PPP1R9A: variants seen among roughly 807,000 people sequenced by gnomAD.
PPP1R9A encodes the protein protein phosphatase 1 regulatory subunit 9A.
Under a neutral mutation model 141.9 loss-of-function variants are expected in PPP1R9A, and 59 were observed. The ratio of observed to expected loss-of-function variants is 0.42; its 90% CI spans 0.34 to 0.52. The LOEUF is 0.52. PPP1R9A is among the 20% of genes least tolerant of loss of function. The pLI, the probability that PPP1R9A is intolerant of heterozygous loss-of-function variation, is 0.10. For synonymous variants in PPP1R9A, 500 were observed against 569.7 expected, an observed-to-expected ratio of 0.88 and a Z score of 1.74; for missense variants, 1,444 against 1,611.9, an observed-to-expected ratio of 0.90 and a Z score of 1.78.
rs1789283940 is a variant in PPP1R9A at position 95,200,405 on chromosome 7, G to A, written c.1890+1921G>A. On this transcript the variant is annotated intron_variant, in intron 6 of 19. Coordinates refer to ENST00000433360, the MANE Select transcript of PPP1R9A (RefSeq NM_001166160.2). ...CCTTGCCTCAGCCTCCTGAGTAGCT[G>A]GGGCAACAAGCACACAGAACCACAT... 4.0e-5 allele frequency among the ~76,000 whole-genome samples: 6 copies of A among 151,238 alleles called. No individual in the cohort carries two copies. In the South Asian group the frequency reaches 1.3e-3, roughly 32 times the overall value.
At chr7:95,048,736 G>A (rs948143283) in intron 2 of PPP1R9A, among the ~76,000 whole-genome samples, 1 of 151,888 alleles carries the variant, frequency 6.6e-6, no homozygotes, top group Non-Finnish European at 1.5e-5. Context: ...TAGTAGAAAC[G>A]GGGTTTCACT....
At chr7:95,285,508 A>C (rs1805122843) in intron 17 of PPP1R9A, among the ~76,000 whole-genome samples, 1 of 152,202 alleles carries the variant, frequency 6.6e-6, no homozygotes, top group Non-Finnish European at 1.5e-5. Flanking sequence ...ATATCCACTG[A>C]ATATTTTAAT....
chr7:95,059,197 T>A (rs894532556), intron 2 of PPP1R9A, among the ~76,000 whole-genome samples: 1 of 152,184 alleles, frequency 6.6e-6, no homozygotes, highest in Non-Finnish European at 1.5e-5. Flanking sequence ...ATCTTTACTT[T>A]TGTAGGTATT....
rs78170943 is a variant in PPP1R9A, at chr7:94,936,654, GT to G, written c.1395+25147del. Among the ~76,000 whole-genome samples, 315 of 122,678 alleles carry G rather than the reference GT, an allele frequency of 2.6e-3. 1 individual carries two copies. Among genetic ancestry groups the G allele is most frequent in the South Asian group, 0.016 (63 of 3,896 alleles). 80.5% of individuals were successfully genotyped at this position (122,678 alleles called of 152,430 possible). Reference sequence around the variant, plus strand: ...AAGTATGGGGAGACTGTGTAGGGGTGTGTGTGTGTGTGTGTGTGTGTGTGTG... The same window carrying G: ...AAGTATGGGGAGACTGTGTAGGGGTGGTGTGTGTGTGTGTGTGTGTGTGTG... On this transcript the variant is annotated intron_variant, in intron 2 of 19. Coordinates refer to ENST00000433360, the MANE Select transcript of PPP1R9A (RefSeq NM_001166160.2).
chr7:95,166,532 A>G (rs543109784), intron 5 of PPP1R9A, among the ~76,000 whole-genome samples: 1 of 152,328 alleles, frequency 6.6e-6, no homozygotes, highest in South Asian at 2.1e-4. Flanking sequence ...AATTCTCCCA[A>G]CAAAGAAAAG....
chr7:95,111,717 C>T (rs899412795), intron 3 of PPP1R9A, among the ~76,000 whole-genome samples: 2 of 152,064 alleles, frequency 1.3e-5, no homozygotes, highest in African/African-American at 2.4e-5. Flanking sequence ...TATATGAGAG[C>T]TTGGGGCAGA....
chr7:95,000,603 T>C (rs1430631033), intron 2 of PPP1R9A, among the ~76,000 whole-genome samples: 1 of 152,178 alleles, frequency 6.6e-6, no homozygotes, highest in African/African-American at 2.4e-5. Flanking sequence ...TTTGTAGTTT[T>C]TGACTGATTT....
At chr7:95,191,451 A>C (rs1383807636) in intron 5 of PPP1R9A, among the ~76,000 whole-genome samples, 1 of 152,178 alleles carries the variant, frequency 6.6e-6, no homozygotes, top group Non-Finnish European at 1.5e-5. Context: ...CTCAAACATT[A>C]TCATTTCTTT....
At chr7:95,239,188 A>G (rs187602739) in intron 8 of PPP1R9A, among the ~76,000 whole-genome samples, 17 of 152,278 alleles carry the variant, frequency 1.1e-4, no homozygotes, top group Admixed American at 9.2e-4. Flanking sequence ...ATATACTGAA[A>G]TTATACCTCA....
chr7:95,027,984 T>G (rs942160384), intron 2 of PPP1R9A, among the ~76,000 whole-genome samples: 3 of 152,176 alleles, frequency 2.0e-5, no homozygotes, highest in African/African-American at 7.2e-5. Flanking sequence ...GCCTGTGTAT[T>G]TACTTTTAGG....
rs753970566 is a variant in PPP1R9A, at chr7:95,286,235, C to T, written c.3639C>T (p.Pro1213=). 5 of 1,613,400 alleles carry T rather than the reference C, an allele frequency of 3.1e-6. No homozygotes were observed. The highest frequency in any genetic ancestry group is 3.4e-6 in the Non-Finnish European group (4 of 1,179,634). Residue 1213 remains proline, a synonymous_variant, in exon 18 of 20, where the codon CCC becomes CCT. Transcript: ENST00000433360. ...NNFTFNDDFS[P]SSTSSADLSG... ...TTACCTTCAATGATGACTTCAGTCC[C>T]AGCAGTACCAGTTCAGCAGACCTCA... is the stretch of plus-strand genomic sequence containing the variant.
intron 5 of PPP1R9A, among the ~76,000 whole-genome samples, chr7:95,173,669 C>A (rs113202837): frequency 1.3e-5 from 2 of 151,946 alleles, no homozygotes; most frequent in African/African-American, 4.8e-5. Context: ...ATTATAACAA[C>A]TATATAATGG....
At chr7:95,074,044 C>T (rs145034435) in intron 2 of PPP1R9A, among the ~76,000 whole-genome samples, 58 of 152,288 alleles carry the variant, frequency 3.8e-4, no homozygotes, top group African/African-American at 1.3e-3. Context: ...CCAATTCCCA[C>T]GTTTACTATG....
chr7:95,286,119 A>G (rs1585643309), intron 17 of PPP1R9A, 87 bp from the exon 18 acceptor site: 2 of 1,538,452 alleles, frequency 1.3e-6, no homozygotes, highest in East Asian at 4.6e-5. Flanking sequence ...AGATTGTTTA[A>G]AAGAGCCCTT....
intron 8 of PPP1R9A, among the ~76,000 whole-genome samples, chr7:95,240,496 T>G (rs1797295755): frequency 6.6e-6 from 1 of 152,026 alleles, no homozygotes; most frequent in Non-Finnish European, 1.5e-5. Flanking sequence ...GTGTCTGAGA[T>G]TGTTTCTTAA....
At chr7:94,950,607 C>T (rs1796361412) in intron 2 of PPP1R9A, among the ~76,000 whole-genome samples, 1 of 151,902 alleles carries the variant, frequency 6.6e-6, no homozygotes, top group Non-Finnish European at 1.5e-5. Context: ...CGGTCCTTGG[C>T]TAAGATCATA....
chr7:95,282,158 C>CTTTATTT (rs765681377), intron 16 of PPP1R9A, among the ~76,000 whole-genome samples: 17,476 of 151,858 alleles, frequency 0.12, 1,347 homozygotes, highest in African/African-American at 0.21. Flanking sequence ...TAATAAACCC[C>CTTTATTT]TATCTCTACA....
At chr7:95,164,741 C>CTTTTTT (rs200177321) in intron 5 of PPP1R9A, among the ~76,000 whole-genome samples, 82 of 66,164 alleles carry the variant, frequency 1.2e-3, no homozygotes, top group African/African-American at 3.1e-3. Flanking sequence ...CTTTTCTTTT[C>CTTTTTT]TTTTTTTTTT....
At chr7:95,173,247 A>G (rs1393555573) in intron 5 of PPP1R9A, among the ~76,000 whole-genome samples, 2 of 151,902 alleles carry the variant, frequency 1.3e-5, no homozygotes, top group Non-Finnish European at 2.9e-5. Context: ...ACAGAGGGAA[A>G]CGCTGTAGGT....
Sources: allele counts gnomAD v4.1 joint callset (sites outside exome capture counted in the v4.1 genomes callset), GRCh38; gene constraint gnomAD v4.1.1; transcripts MANE v1.5; gene names NCBI Gene and HGNC (gene_info 2026-07-23, HGNC 2026-07-21).